Variants in TGM4 observed in about 807,000 individuals in gnomAD.
TGM4 encodes transglutaminase 4, also known as protein-glutamine gamma-glutamyltransferase 4.
A neutral mutation model predicts 76.3 loss-of-function variants in TGM4; 61 were observed. The ratio of observed to expected loss-of-function variants is 0.80; its 90% CI spans 0.65 to 0.99. The LOEUF (loss-of-function observed/expected upper bound fraction) is 0.99. Among genes scored for constraint, TGM4 ranks in the 50% least tolerant of loss-of-function variants. The probability of loss-of-function intolerance (pLI) is 0.00; values close to 1 mark genes in which losing one functional copy is unlikely to be tolerated. For missense variants in TGM4, 794 were observed against 843.2 expected (o/e 0.94, Z 0.72); for synonymous variants, 337 against 329.8 (o/e 1.02, Z -0.24).
intron 1 of TGM4, among the ~76,000 whole-genome samples, chr3:44,879,886 C>T (rs1038556329): frequency 3.9e-5 from 6 of 152,076 alleles, no homozygotes; most frequent in African/African-American, 1.4e-4. Flanking sequence ...CAGCCTTGAC[C>T]TCCCAGGCCC....
chr3:44,910,432 C>T, intron 11 of TGM4, 64 bp downstream of exon 11: 2 of 1,554,498 alleles, frequency 1.3e-6, no homozygotes, highest in Non-Finnish European at 1.7e-6. Flanking sequence ...TGAAATCCCT[C>T]TTCTCCTCTG....
chr3:44,877,715 T>C (rs970473203), intron 1 of TGM4, among the ~76,000 whole-genome samples: 1 of 152,254 alleles, frequency 6.6e-6, no homozygotes, highest in African/African-American at 2.4e-5. Flanking sequence ...TCTCATCTTT[T>C]TGTAGGAGTA....
chr3:44,911,941 C>T (rs2125761481), intron 13 of TGM4, among the ~76,000 whole-genome samples: 1 of 152,334 alleles, frequency 6.6e-6, no homozygotes, highest in African/African-American at 2.4e-5. Flanking sequence ...AGTGATTCTC[C>T]TGCCTTGGCC....
chr3:44,879,267 A>ATATATG (rs1699497588), intron 1 of TGM4, among the ~76,000 whole-genome samples: 1 of 71,960 alleles, frequency 1.4e-5, no homozygotes, highest in Non-Finnish European at 3.0e-5. Context: ...CTCTCTCTCT[A>ATATATG]TATATATATA....
At chr3:44,894,919 T>TG (rs776692932) in intron 5 of TGM4, among the ~76,000 whole-genome samples, 1 of 152,040 alleles carries the variant, frequency 6.6e-6, no homozygotes, top group Non-Finnish European at 1.5e-5. Flanking sequence ...AGGGAGTAGC[T>TG]GGCAAGGAGA....
intron 1 of TGM4, among the ~76,000 whole-genome samples, chr3:44,884,101 A>T (rs1460463360): frequency 2.6e-5 from 4 of 152,148 alleles, no homozygotes; most frequent in African/African-American, 9.7e-5. Flanking sequence ...TGAATCAGAA[A>T]CTCAGGGTGG....
intron 2 of TGM4, among the ~76,000 whole-genome samples, chr3:44,886,348 A>G (rs1172697388): frequency 6.6e-6 from 1 of 152,188 alleles, no homozygotes; most frequent in Non-Finnish European, 1.5e-5. Flanking sequence ...CTCAAAAAAA[A>G]ATTAGATCAG....
chr3:44,911,175 C>A lies in TGM4; in HGVS notation c.1776+48C>A, dbSNP rs551805236. 3.7e-6 allele frequency: 6 copies of A among 1,610,322 alleles called. No homozygotes were observed. In the Admixed American group the frequency reaches 8.4e-5, roughly 22 times the overall value. ...AGGGCTCCTTCTGCCTGGAAGTTGGCCATGGAGTGTGACGGGGCCCCTAAG... is the reference window on the plus strand; with the variant it reads ...AGGGCTCCTTCTGCCTGGAAGTTGGACATGGAGTGTGACGGGGCCCCTAAG... On this transcript the variant is annotated intron_variant, in intron 12 of 13. Coordinates refer to ENST00000296125, the MANE Select transcript of TGM4 (RefSeq NM_003241.4).
chr3:44,911,532 A>C, intron 13 of TGM4, 126 bp downstream of exon 13: 1 of 1,079,512 alleles, frequency 9.3e-7, no homozygotes, highest in African/African-American at 1.6e-5. Context: ...ACATTTTGCT[A>C]GTGCCAAATT....
intron 4 of TGM4, among the ~76,000 whole-genome samples, chr3:44,892,530 C>T (rs1343921147): frequency 6.6e-6 from 1 of 151,738 alleles, no homozygotes; most frequent in Non-Finnish European, 1.5e-5. Context: ...GCCACCACAC[C>T]CAGCTAATTT....
chr3:44,901,655 G>C lies in TGM4; in HGVS notation c.789G>C (p.Val263=). Residue 263 remains valine (V), a synonymous_variant, in exon 7 of 14, where the codon GTG becomes GTC. Transcript: ENST00000296125. ...LQQYYNTKQA[V]CFGQCWVFAG... ...AGTACTACAACACGAAGCAGGCTGT[G>C]TGCTTTGGCCAGTGCTGGGTGTTTG... 1 of 1,614,228 alleles carries C rather than the reference G, an allele frequency of 6.2e-7. No individual in the cohort carries two copies. The highest frequency in any genetic ancestry group is 8.5e-7 in the Non-Finnish European group (1 of 1,180,032).
At chr3:44,902,032 T>G in intron 8 of TGM4, 101 bp downstream of exon 8, 1 of 1,435,148 alleles carries the variant, frequency 7.0e-7, no homozygotes, top group Non-Finnish European at 9.4e-7. Flanking sequence ...CAGGCTGGTC[T>G]TGAACTGGTG....
chr3:44,882,178 T>C (rs566134397), intron 1 of TGM4, among the ~76,000 whole-genome samples: 19 of 151,244 alleles, frequency 1.3e-4, no homozygotes, highest in African/African-American at 2.9e-4. Flanking sequence ...GCTCAAGTGA[T>C]TCTCCCACCT....
chr3:44,891,560 C>G (rs4683001), intron 4 of TGM4, among the ~76,000 whole-genome samples: 47,260 of 151,546 alleles, frequency 0.31, 8,640 homozygotes, highest in East Asian at 0.82. Context: ...ATTTTTGAAC[C>G]ATTTGAGAGT....
At chr3:44,882,554 C>A (rs1699548764) in intron 1 of TGM4, among the ~76,000 whole-genome samples, 4 of 152,228 alleles carry the variant, frequency 2.6e-5, no homozygotes, top group African/African-American at 9.6e-5. Context: ...TTCTTGGTTT[C>A]TGGTGGCTCC....
intron 1 of TGM4, among the ~76,000 whole-genome samples, chr3:44,879,523 A>G (rs1404842011): frequency 6.9e-6 from 1 of 144,250 alleles, no homozygotes; most frequent in Admixed American, 7.0e-5. Flanking sequence ...CCCAGGCTGG[A>G]GTGCAGTGGC....
At chr3:44,882,493 C>T (rs1356490234) in intron 1 of TGM4, among the ~76,000 whole-genome samples, 2 of 152,190 alleles carry the variant, frequency 1.3e-5, no homozygotes, top group East Asian at 1.9e-4. Context: ...TCAAAATGTC[C>T]GCAGGGTCCT....
intron 4 of TGM4, among the ~76,000 whole-genome samples, chr3:44,891,760 G>A (rs567827863): frequency 1.3e-5 from 2 of 151,970 alleles, no homozygotes; most frequent in Non-Finnish European, 1.5e-5. Flanking sequence ...GCATCACGAG[G>A]TTGGGAGATC....
chr3:44,876,976 A>C (rs1157863863), intron 1 of TGM4, among the ~76,000 whole-genome samples: 3 of 152,244 alleles, frequency 2.0e-5, no homozygotes, highest in South Asian at 2.1e-4. Context: ...AAAGATGCTC[A>C]ACCTTACTTG....
Sources: allele counts gnomAD v4.1 joint callset (sites outside exome capture counted in the v4.1 genomes callset), GRCh38; gene constraint gnomAD v4.1.1; transcripts MANE v1.5; gene names NCBI Gene and HGNC (gene_info 2026-07-23, HGNC 2026-07-21).